Variants in ZFTA observed in about 807,000 individuals in gnomAD.
ZFTA encodes the protein zinc finger translocation-associated protein.
In ZFTA, 35 loss-of-function variants were observed where a neutral mutation model predicts 41.8. The ratio of observed to expected loss-of-function variants is 0.84; its 90% confidence interval spans 0.64 to 1.11. ZFTA has a LOEUF of 1.11. ZFTA is among the 50% of genes most tolerant of loss of function. The pLI, the probability that ZFTA is intolerant of heterozygous loss-of-function variation, is 0.00. For synonymous variants in ZFTA, 514 were observed against 436.4 expected, an observed-to-expected ratio of 1.18 and a Z score of -2.22; for missense variants, 964 against 989.8, an observed-to-expected ratio of 0.97 and a Z score of 0.35.
rs1427373233 is a variant in ZFTA, at chr11:63,764,314, G to A, written c.1309C>T (p.Leu437=). 1.4e-6 allele frequency: 2 copies of A among 1,386,428 alleles called. No homozygotes were observed. The highest frequency in any genetic ancestry group is 1.5e-5 in the South Asian group (1 of 65,882). The allele number at this position is 1,386,428 out of a possible 1,614,324, so 85.9% of individuals were successfully genotyped here. ...GCGCCCCCGCACACCCCGCACACCA[G>A]GCCGCGCCGGCCGCCGTCCAACTCC... ...LMELDGGRRG[L]VCGVCGGALA... is the part of the protein sequence containing the mutation. Residue 437 remains leucine, a synonymous_variant, in exon 4 of 5, where the codon CTG becomes TTG. Coordinates refer to ENST00000433688, the MANE Select transcript of ZFTA (RefSeq NM_001144936.2).
Position 63,768,652 on chromosome 11 carries a change from C to A in ZFTA, c.-30G>T. 1.0e-6 allele frequency: 1 copy of A among 970,854 alleles called. No homozygotes were observed. The highest frequency in any genetic ancestry group is 6.4e-5 in the Admixed American group (1 of 15,578). The allele number at this position is 970,854 out of a possible 1,614,324, so 60.1% of individuals were successfully genotyped here. On this transcript the variant is annotated 5_prime_UTR_variant, in exon 1 of 5. Transcript: ENST00000433688. Reference sequence around the variant, plus strand: ...TGCGCTGCGGAGCGGGGCCCCGGGGCGGCGGGGCGCGGGGCCGCGGGGCCG... The same window carrying A: ...TGCGCTGCGGAGCGGGGCCCCGGGGAGGCGGGGCGCGGGGCCGCGGGGCCG...
chr11:63,766,165 C>T lies in ZFTA; in HGVS notation c.279G>A (p.Lys93=). ...GGTGGTCACGGCCAGGGATGCGGCT[C>T]TTTCCAGGCCTCGAGGCCCGGGCCT... is the stretch of plus-strand genomic sequence containing the variant. ...HCEARASRPG[K]SRIPGRDHRR... The change falls in exon 2 of 5, where the codon AAG becomes AAA. Residue 93 remains lysine (K), a synonymous_variant. Transcript: ENST00000433688. 6.6e-7 allele frequency: 1 copy of T among 1,518,174 alleles called. No individual in the cohort carries two copies. The highest frequency in any genetic ancestry group is 1.3e-5 in the South Asian group (1 of 78,644). The allele number at this position is 1,518,174 out of a possible 1,614,324, so 94.0% of individuals were successfully genotyped here.
At chr11:63,763,904 G>T in intron 4 of ZFTA, 35 bp from the exon 5 acceptor site, 1 of 1,404,206 alleles carries the variant, frequency 7.1e-7, no homozygotes. Flanking sequence ...TGGCGACGGC[G>T]GGGGGCAGCG....
rs938023648 is a variant in ZFTA, at chr11:63,765,006, G to T, written c.886C>A (p.His296Asn). Residue 296 changes from histidine to asparagine, a missense_variant, in exon 3 of 5, where the codon CAC becomes AAC. Transcript: ENST00000433688. This position sits in a 1 kb window ranked among gnomAD's most constrained non-coding sequence, Gnocchi z 4.0. The stretch of plus-strand genomic sequence containing the variant: ...ACGTGGGCACGGATGTCGTCCAGGT[G>T]CAGGCTGGGCAGTGCCCGGCCACAG... ...MACGRALPSL[H>N]LDDIRAHVLE... The T allele has an allele frequency of 1.3e-6, 2 of 1,548,798 alleles. No homozygotes were observed. Among genetic ancestry groups the T allele is most frequent in the African/African-American group, 2.7e-5 (2 of 72,986 alleles).
chr11:63,764,032 G>A lies in ZFTA; in HGVS notation c.1585+6C>T, dbSNP rs2014699870. ...CCTCTCCGCCTGCTCTGGCCCCACC[G>A]CTCACCCCACTCCTCCTCCTCCTCC... On this transcript the variant is annotated splice_donor_region_variant and intron_variant, in intron 4 of 4. Transcript: ENST00000433688. 2.3e-6 allele frequency: 3 copies of A among 1,320,400 alleles called. No individual in the cohort carries two copies. The highest frequency in any genetic ancestry group is 3.1e-5 in the East Asian group (1 of 32,776). The allele number at this position is 1,320,400 out of a possible 1,614,324, so 81.8% of individuals were successfully genotyped here.
rs1259330950 is a variant in ZFTA, at chr11:63,764,093, G to T, written c.1530C>A (p.Ser510=). Residue 510 remains serine, a synonymous_variant, in exon 4 of 5, where the codon TCC becomes TCA. Coordinates refer to ENST00000433688, the MANE Select transcript of ZFTA (RefSeq NM_001144936.2). ...CCTCCTCGTCCCCTCCCCCCTCGTC[G>T]GAGGCTGCGGCAGTGCCGGGGGGGA... ...GPIPPGTAAA[S]DEGGGDEEEE... 5 of 1,343,684 alleles carry T rather than the reference G, an allele frequency of 3.7e-6. No individual in the cohort carries two copies. The highest frequency in any genetic ancestry group is 3.8e-6 in the Non-Finnish European group (4 of 1,052,938). The allele number at this position is 1,343,684 out of a possible 1,614,324, so 83.2% of individuals were successfully genotyped here.
Position 63,764,398 on chromosome 11 carries a change from G to A in ZFTA, c.1225C>T (p.Pro409Ser). The A allele has an allele frequency of 7.7e-7, 1 of 1,296,476 alleles. No homozygotes were observed. The highest frequency in any genetic ancestry group is 2.4e-5 in the South Asian group (1 of 41,988). 80.3% of individuals were successfully genotyped at this position (1,296,476 alleles called of 1,614,324 possible). A position where few individuals can be genotyped will look rare whatever the true frequency, so the allele number is the denominator to read the frequency against. The change falls in exon 4 of 5, where the codon CCG becomes TCG. Residue 409 changes from proline to serine, a missense_variant. Transcript: ENST00000433688. ...GERAGVPGRS[P>S]RGRAHRRHPQ... ...TGGCGGCGGTGGGCGCGGCCCCGCG[G>A]CGACCGGCCCGGGACCCCCGCCCTC...
rs1267507720 is a variant in ZFTA at position 63,765,802 on chromosome 11, A to G, written c.637+5T>C. On this transcript the variant is annotated splice_donor_5th_base_variant and intron_variant, in intron 2 of 4. Coordinates refer to ENST00000433688, the MANE Select transcript of ZFTA (RefSeq NM_001144936.2). The surrounding 1 kb of genome is among the most constrained non-coding windows in gnomAD (Gnocchi z 4.0). ...CTGCCTGTACAGAATCTGCATTTGC[A>G]TTACCTGGGCCCTTGGGCGGGCAAG... 6.8e-7 allele frequency: 1 copy of G among 1,463,398 alleles called. No individual in the cohort carries two copies. The highest frequency in any genetic ancestry group is 1.4e-5 in the South Asian group (1 of 70,388). 90.7% of individuals were successfully genotyped at this position (1,463,398 alleles called of 1,614,324 possible). A position where few individuals can be genotyped will look rare whatever the true frequency, so the allele number is the denominator to read the frequency against.
Position 63,760,402 on chromosome 11 carries a change from CTT to C in ZFTA, c.*3014_*3015del, listed in dbSNP as rs2014602594. On this transcript the variant is annotated 3_prime_UTR_variant, in exon 5 of 5. Transcript: ENST00000433688. ...TGTATTCAACATACCTCTTAGAAAA[CTT>C]AGGCTGAAATATTTTTTAAATGACT... 6.6e-6 allele frequency: 1 copy of C among 152,188 alleles called. No individual in the cohort carries two copies. The highest frequency in any genetic ancestry group is 1.5e-5 in the Non-Finnish European group (1 of 68,030). 9.4% of individuals were successfully genotyped at this position (152,188 alleles called of 1,614,324 possible).
chr11:63,764,845 T>A, intron 3 of ZFTA, 23 bp downstream of exon 3: 1 of 1,452,976 alleles, frequency 6.9e-7, no homozygotes, highest in Non-Finnish European at 9.0e-7. Context: ...TGAGGGGGTC[T>A]CAGCCTGGGA....
At position 63,763,747 on chromosome 11, in the gene ZFTA, G is replaced by T; in HGVS notation, c.1708C>A (p.Pro570Thr). The change falls in exon 5 of 5, where the codon CCC (proline) becomes ACC (threonine). Residue 570 changes from proline (P) to threonine (T), a missense_variant. By Grantham distance (38) the Pro-to-Thr change is conservative (BLOSUM62 -1). This residue lies in a region of ZFTA where 584 missense variants were observed against 523.1 expected (regional missense o/e 1.12). Transcript: ENST00000433688. ...CGCTGCTCCCGGCTGCGGGGCGGGG[G>T]CGGAGGCGGGGGAGGAGGCGGCGGC... is the stretch of plus-strand genomic sequence containing the variant. ...LPPPPPPPPP[P>T]PPRSREQRRN... 4 of 1,487,368 alleles carry T rather than the reference G, an allele frequency of 2.7e-6. No homozygotes were observed. Among genetic ancestry groups the T allele is most frequent in the Non-Finnish European group, 3.6e-6 (4 of 1,117,842 alleles). 92.1% of individuals were successfully genotyped at this position (1,487,368 alleles called of 1,614,324 possible). A position where few individuals can be genotyped will look rare whatever the true frequency, so the allele number is the denominator to read the frequency against.
At position 63,763,511 on chromosome 11, in the gene ZFTA, C is replaced by G. The variant is rs760643254; in HGVS notation, c.1944G>C (p.Leu648=). ...TILEAYEEAA[L]RCYGHEGFGP... is the part of the protein sequence containing the mutation. ...CGAAGCCCTCGTGGCCGTAGCAGCG[C>G]AGCGCCGCCTCCTCGTAGGCCTCCA... Residue 648 remains leucine (L), a synonymous_variant, in exon 5 of 5, where the codon CTG becomes CTC. Transcript: ENST00000433688. 1 of 1,542,958 alleles carries G rather than the reference C, an allele frequency of 6.5e-7. No individual in the cohort carries two copies. Among genetic ancestry groups the G allele is most frequent in the South Asian group, 1.2e-5 (1 of 83,562 alleles).
chr11:63,764,625 G>A (rs887197319), intron 3 of ZFTA, 27 bp from the exon 4 acceptor site: 2 of 1,263,882 alleles, frequency 1.6e-6, no homozygotes, highest in African/African-American at 1.5e-5. Flanking sequence ...GAGGGAGAGG[G>A]GCTCAGCCTG....
intron 1 of ZFTA, chr11:63,767,354 T>C (rs1257670224): frequency 1.3e-5 from 2 of 152,260 alleles, no homozygotes; most frequent in Non-Finnish European, 2.9e-5. Context: ...TTTTTTGTTT[T>C]AGTTTTTATT....
chr11:63,764,982 C>G lies in ZFTA; in HGVS notation c.910G>C (p.Val304Leu). ...AGGGAGCCAGGGTGCACCTCCAGCA[C>G]GTGGGCACGGATGTCGTCCAGGTGC... ...SLHLDDIRAH[V>L]LEVHPGSLGL... Residue 304 changes from valine to leucine, a missense_variant, in exon 3 of 5, where the codon GTG (valine) becomes CTG (leucine). This residue lies in a region of ZFTA where 584 missense variants were observed against 523.1 expected (regional missense o/e 1.12). Coordinates refer to ENST00000433688, the MANE Select transcript of ZFTA (RefSeq NM_001144936.2). 1 of 1,548,830 alleles carries G rather than the reference C, an allele frequency of 6.5e-7. No homozygotes were observed. The highest frequency in any genetic ancestry group is 8.7e-7 in the Non-Finnish European group (1 of 1,146,590).
At position 63,763,142 on chromosome 11, in the gene ZFTA, A is replaced by T; in HGVS notation, c.*276T>A. The T allele has an allele frequency of 5.6e-6, 1 of 178,824 alleles. No individual in the cohort carries two copies. Among genetic ancestry groups the T allele is most frequent in the Non-Finnish European group, 1.2e-5 (1 of 84,454 alleles). 11.1% of individuals were successfully genotyped at this position (178,824 alleles called of 1,614,324 possible). A position where few individuals can be genotyped will look rare whatever the true frequency, so the allele number is the denominator to read the frequency against. The stretch of plus-strand genomic sequence containing the variant: ...GGAGGCCACTGAGGATTCTCGGAAA[A>T]CGTGGGCCCTGCGCGGGGAGGGCAG... On this transcript the variant is annotated 3_prime_UTR_variant, in exon 5 of 5. Coordinates refer to ENST00000433688, the MANE Select transcript of ZFTA (RefSeq NM_001144936.2).
rs2014635082 is a variant in ZFTA, at chr11:63,761,460, C to G, written c.*1958G>C. 6.6e-6 allele frequency: 1 copy of G among 152,228 alleles called. No individual in the cohort carries two copies. The highest frequency in any genetic ancestry group is 1.5e-5 in the Non-Finnish European group (1 of 68,070). The allele number at this position is 152,228 out of a possible 1,614,324, so 9.4% of individuals were successfully genotyped here. A position where few individuals can be genotyped will look rare whatever the true frequency, so the allele number is the denominator to read the frequency against. On this transcript the variant is annotated 3_prime_UTR_variant, in exon 5 of 5. Transcript: ENST00000433688. ...GCAGGGCTTTGCCACCTTCAGGAGT[C>G]ACAGATCCACCGTGGTGGCCTGCAT...
rs768952540 is a variant in ZFTA at position 63,765,859 on chromosome 11, T to C, written c.585A>G (p.Glu195=). 46 of 1,511,446 alleles carry C rather than the reference T, an allele frequency of 3.0e-5. No homozygotes were observed. The Middle Eastern group carries it at 5.2e-4, about 17-fold the overall frequency. 93.6% of individuals were successfully genotyped at this position (1,511,446 alleles called of 1,614,324 possible). Residue 195 remains glutamate, a synonymous_variant, in exon 2 of 5, where the codon GAA becomes GAG. Coordinates refer to ENST00000433688, the MANE Select transcript of ZFTA (RefSeq NM_001144936.2). The surrounding 1 kb of genome is among the most constrained non-coding windows in gnomAD (Gnocchi z 4.0). ...CACCGGCCCCCTCCTCCTCCTCCTCTTCTTCCTCCTCCTCCTCCTCCTCAG... is the reference window on the plus strand; with the variant it reads ...CACCGGCCCCCTCCTCCTCCTCCTCCTCTTCCTCCTCCTCCTCCTCCTCAG... ...QGAEEEEEEE[E]EEEEEGAGVP...
In ZFTA at chr11:63,759,967, C is replaced by T. The variant is rs1283283308; in HGVS notation, c.*3451G>A. 6.6e-6 allele frequency: 1 copy of T among 152,170 alleles called. No individual in the cohort carries two copies. Among genetic ancestry groups the T allele is most frequent in the African/African-American group, 2.4e-5 (1 of 41,412 alleles). 9.4% of individuals were successfully genotyped at this position (152,170 alleles called of 1,614,324 possible). A position where few individuals can be genotyped will look rare whatever the true frequency, so the allele number is the denominator to read the frequency against. ...AAGTAAGAACCAAACACTGCTTCCA[C>T]TCCCCCTATCCTCACTCCACTTTGG... is the stretch of plus-strand genomic sequence containing the variant. On this transcript the variant is annotated 3_prime_UTR_variant, in exon 5 of 5. Transcript: ENST00000433688.
Sources: gnomAD v4.1 joint callset for allele counts on GRCh38, gnomAD v4.1.1 for gene constraint, gnomAD v4.1.1 regional missense constraint, Gnocchi (gnomAD v3.1) non-coding constraint, MANE v1.5 for transcripts, NCBI Gene and HGNC (gene_info 2026-07-23, HGNC 2026-07-21) for gene names.